Variants in PCDHGA2 observed in about 807,000 individuals in gnomAD.
PCDHGA2 encodes protocadherin gamma subfamily A, 2.
A neutral mutation model predicts 59.2 loss-of-function variants in PCDHGA2; 40 were observed. That is an observed-to-expected ratio of 0.68 (90% confidence interval 0.52 to 0.88). PCDHGA2 has a LOEUF of 0.88. Ranked by LOEUF, PCDHGA2 falls within the 40% of genes least tolerant of loss-of-function variation. The pLI is 0.00. For missense variants in PCDHGA2, 1,226 were observed against 1,204.0 expected (o/e 1.02, Z -0.27); for synonymous variants, 560 against 526.0 (o/e 1.06, Z -0.89).
chr5:141,509,273 C>T (rs1026035086), intron 3 of PCDHGA2, among the ~76,000 whole-genome samples: 1 of 152,098 alleles, frequency 6.6e-6, no homozygotes, highest in Admixed American at 6.5e-5. Flanking sequence ...CTCTCGCTAC[C>T]CGCTCCCAGG....
chr5:141,472,795 G>A (rs939788734), intron 1 of PCDHGA2, among the ~76,000 whole-genome samples: 1 of 151,794 alleles, frequency 6.6e-6, no homozygotes, highest in Non-Finnish European at 1.5e-5. Flanking sequence ...AGATCAGCCT[G>A]ACCAACATGG....
intron 1 of PCDHGA2, chr5:141,360,857 T>G: frequency 6.2e-7 from 1 of 1,613,894 alleles, no homozygotes; most frequent in Non-Finnish European, 8.5e-7. Flanking sequence ...AACCCTCCAG[T>G]GTTCAGCCAG....
intron 1 of PCDHGA2, chr5:141,414,836 T>C: frequency 6.2e-7 from 1 of 1,614,222 alleles, no homozygotes; most frequent in Non-Finnish European, 8.5e-7. Context: ...TCGTTGAGCC[T>C]GTTTGTGCTG....
chr5:141,355,318 G>C (rs963609371), intron 1 of PCDHGA2: 4 of 1,613,972 alleles, frequency 2.5e-6, no homozygotes, highest in Non-Finnish European at 3.4e-6. Flanking sequence ...TGAGGAGCAG[G>C]AAGAAGGCTC....
intron 1 of PCDHGA2, chr5:141,422,273 C>T: frequency 6.4e-7 from 1 of 1,560,808 alleles, no homozygotes; most frequent in Non-Finnish European, 8.6e-7. Flanking sequence ...CCAGAAATAA[C>T]TATCACCTCT....
At position 141,476,638 on chromosome 5, in the gene PCDHGA2, G is replaced by A. The variant is rs997136356; in HGVS notation, c.2425-18169G>A. On this transcript the variant is annotated intron_variant, in intron 1 of 3. Transcript: ENST00000394576. This position sits in a 1 kb window ranked among gnomAD's most constrained non-coding sequence, Gnocchi z 7.6. ...GCAACTCTTTACAAACCTATGAGCT[G>A]AGCCGAAATGAATACTTTGCGCTTC... 1.9e-6 allele frequency: 3 copies of A among 1,614,268 alleles called. No homozygotes were observed. Among genetic ancestry groups the A allele is most frequent in the Middle Eastern group, 1.6e-4 (1 of 6,062 alleles).
At chr5:141,436,214 A>G (rs1242199916) in intron 1 of PCDHGA2, among the ~76,000 whole-genome samples, 5 of 152,160 alleles carry the variant, frequency 3.3e-5, no homozygotes, top group African/African-American at 7.2e-5. Context: ...AGGAAAACAA[A>G]TGACTTGGGA....
chr5:141,344,090 C>A (rs200693710), intron 1 of PCDHGA2: 2 of 1,613,308 alleles, frequency 1.2e-6, no homozygotes, highest in African/African-American at 2.7e-5. Context: ...TGTGCGCGCT[C>A]CTGGGGACGC....
intron 1 of PCDHGA2, among the ~76,000 whole-genome samples, chr5:141,429,416 T>A (rs527999196): frequency 6.6e-6 from 1 of 152,230 alleles, no homozygotes; most frequent in Admixed American, 6.5e-5. Flanking sequence ...GGTCTCATTA[T>A]GTTGCCCAGG....
At chr5:141,357,359 A>C (rs775884751) in intron 1 of PCDHGA2, 1 of 1,614,134 alleles carries the variant, frequency 6.2e-7, no homozygotes, top group South Asian at 1.1e-5. Flanking sequence ...AGACGCTGGC[A>C]CAAGTCACGC....
intron 1 of PCDHGA2, chr5:141,427,980 G>A (rs1398178738): frequency 6.3e-7 from 1 of 1,596,206 alleles, no homozygotes. Context: ...CCCCGCGCTG[G>A]GGCCCGATGG....
At position 141,491,127 on chromosome 5, in the gene PCDHGA2, C is replaced by T. The variant is rs2099708654; in HGVS notation, c.2425-3680C>T. On this transcript the variant is annotated intron_variant, in intron 1 of 3. Transcript: ENST00000394576. This position sits in a 1 kb window ranked among gnomAD's most constrained non-coding sequence, Gnocchi z 6.9. ...TGTCTACACACACTGGTGAGGTGCGCACAGCCCGGGCCTTACTGGAGGATG... is the reference window on the plus strand; with the variant it reads ...TGTCTACACACACTGGTGAGGTGCGTACAGCCCGGGCCTTACTGGAGGATG... 1 of 1,614,076 alleles carries T rather than the reference C, an allele frequency of 6.2e-7. No individual in the cohort carries two copies. The highest frequency in any genetic ancestry group is 1.3e-5 in the African/African-American group (1 of 74,942).
rs749044339 is a variant in PCDHGA2, at chr5:141,477,410, G to A, written c.2425-17397G>A. On this transcript the variant is annotated intron_variant, in intron 1 of 3. Coordinates refer to ENST00000394576, the MANE Select transcript of PCDHGA2 (RefSeq NM_018915.4). This position sits in a 1 kb window ranked among gnomAD's most constrained non-coding sequence, Gnocchi z 4.9. ...CAACCTCAGCATCACCGCCCGAGAC[G>A]CCGGAACCCCTTCCCTCTCAGCCCT... 66 of 1,613,988 alleles carry A rather than the reference G, an allele frequency of 4.1e-5. 1 individual carries two copies. The South Asian group carries it at 7.0e-4, about 17-fold the overall frequency.
intron 1 of PCDHGA2, among the ~76,000 whole-genome samples, chr5:141,435,011 A>G (rs2097737147): frequency 6.6e-6 from 1 of 152,126 alleles, no homozygotes; most frequent in African/African-American, 2.4e-5. Flanking sequence ...TTTATCAATG[A>G]TAATGCTCTT....
intron 2 of PCDHGA2, among the ~76,000 whole-genome samples, chr5:141,498,945 G>C (rs1421135706): frequency 8.0e-6 from 1 of 125,434 alleles, no homozygotes; most frequent in Non-Finnish European, 1.6e-5. Context: ...AAGAAAGAAA[G>C]AAAAAGAGAG....
chr5:141,346,632 G>C (rs1426424420), intron 1 of PCDHGA2: 1 of 975,140 alleles, frequency 1.0e-6, no homozygotes, highest in Non-Finnish European at 1.5e-6. Context: ...CCCCGGTCTG[G>C]TTATGGTTGA....
At chr5:141,415,746 T>G (rs766611858) in intron 1 of PCDHGA2, 17 of 662,556 alleles carry the variant, frequency 2.6e-5, no homozygotes, top group East Asian at 1.1e-4. Context: ...TAAGGTTTTT[T>G]TTTTTTTTTT....
Position 141,490,709 on chromosome 5 carries a change from C to T in PCDHGA2, c.2425-4098C>T. ...GACACTGGGGATAATGCCCGCCTCA[C>T]CTACTCCATTGTAGGAAATCAGGTT... On this transcript the variant is annotated intron_variant, in intron 1 of 3. Transcript: ENST00000394576. This position sits in a 1 kb window ranked among gnomAD's most constrained non-coding sequence, Gnocchi z 5.4. The T allele has an allele frequency of 1.9e-6, 3 of 1,614,218 alleles. No homozygotes were observed. Among genetic ancestry groups the T allele is most frequent in the Non-Finnish European group, 2.5e-6 (3 of 1,180,038 alleles).
At chr5:141,499,013 GA>G (rs2099788463) in intron 2 of PCDHGA2, among the ~76,000 whole-genome samples, 1 of 144,746 alleles carries the variant, frequency 6.9e-6, no homozygotes, top group Non-Finnish European at 1.5e-5. Context: ...AGGAAGGAAG[GA>G]AGGAAGGAAG....
Sources: gnomAD v4.1 joint callset for allele counts (sites outside exome capture counted in the v4.1 genomes callset) on GRCh38, gnomAD v4.1.1 for gene constraint, Gnocchi (gnomAD v3.1) non-coding constraint, MANE v1.5 for transcripts, NCBI Gene and HGNC (gene_info 2026-07-23, HGNC 2026-07-21) for gene names.